Variants in PMM2 observed in about 807,000 individuals in gnomAD.
PMM2 encodes the protein phosphomannomutase 2.
In PMM2, 35 loss-of-function variants were observed where a neutral mutation model predicts 33.2. The ratio of observed to expected loss-of-function variants is 1.06; its 90% CI spans 0.81 to 1.40. The LOEUF (loss-of-function observed/expected upper bound fraction) is 1.40, where lower values mean the gene tolerates loss of function less well. Ranked by LOEUF, PMM2 falls within the 40% of genes most tolerant of loss-of-function variation. The pLI, the probability that PMM2 is intolerant of heterozygous loss-of-function variation, is 0.00. For synonymous variants in PMM2, 153 were observed against 114.7 expected, an observed-to-expected ratio of 1.33 and a Z score of -2.13; for missense variants, 386 against 306.0, an observed-to-expected ratio of 1.26 and a Z score of -1.95.
intron 3 of PMM2, among the ~76,000 whole-genome samples, chr16:8,805,883 C>G (rs1020496287): frequency 2.0e-5 from 3 of 152,184 alleles, no homozygotes; most frequent in Admixed American, 6.5e-5. Flanking sequence ...AGCTGCCACG[C>G]CTGGGCACTA....
intron 7 of PMM2, among the ~76,000 whole-genome samples, chr16:8,838,746 C>A (rs559247036): frequency 6.6e-6 from 1 of 151,960 alleles, no homozygotes; most frequent in Non-Finnish European, 1.5e-5. Context: ...ATTGGGAGGA[C>A]CTAGGACATC....
intron 7 of PMM2, among the ~76,000 whole-genome samples, chr16:8,845,393 A>T (rs2060918602): frequency 6.6e-6 from 1 of 152,138 alleles, no homozygotes; most frequent in Non-Finnish European, 1.5e-5. Flanking sequence ...ACTTCAGGCC[A>T]TCTGGATGTA....
At chr16:8,802,203 C>T in intron 2 of PMM2, 4 of 467,248 alleles carry the variant, frequency 8.6e-6, no homozygotes, top group South Asian at 6.2e-5. Flanking sequence ...CTTGCTTGTA[C>T]CCGTTGACAG....
intron 7 of PMM2, among the ~76,000 whole-genome samples, chr16:8,835,112 G>A (rs541599679): frequency 1.2e-3 from 185 of 148,206 alleles, no homozygotes; most frequent in African/African-American, 4.3e-3. Flanking sequence ...AGCGGCAGCC[G>A]CTGCACGCAG....
chr16:8,843,846 G>A (rs1439436804), intron 7 of PMM2, among the ~76,000 whole-genome samples: 1 of 151,560 alleles, frequency 6.6e-6, no homozygotes, highest in African/African-American at 2.4e-5. Context: ...AGGAAGAATT[G>A]GAACCTAGCT....
intron 7 of PMM2, chr16:8,832,677 C>T: frequency 1.0e-6 from 1 of 985,438 alleles, no homozygotes; most frequent in Non-Finnish European, 1.2e-6. Flanking sequence ...CACCCCGCAC[C>T]CGTTCTCCAG....
intron 7 of PMM2, among the ~76,000 whole-genome samples, chr16:8,837,646 A>G (rs1273051042): frequency 6.6e-6 from 1 of 151,798 alleles, no homozygotes; most frequent in Admixed American, 6.6e-5. Context: ...GCAGAGATAC[A>G]TGGGGTTGGG....
At chr16:8,801,937 T>G (rs753486000) in intron 2 of PMM2, 27 bp downstream of exon 2, 2 of 1,413,186 alleles carry the variant, frequency 1.4e-6, no homozygotes, top group Non-Finnish European at 2.0e-6. Context: ...TAATTACATC[T>G]GGTAAAAGAT....
At chr16:8,827,037 G>C (rs1466978156) in intron 7 of PMM2, among the ~76,000 whole-genome samples, 4 of 151,978 alleles carry the variant, frequency 2.6e-5, no homozygotes, top group Non-Finnish European at 5.9e-5. Flanking sequence ...CCCTACTAAA[G>C]TAATTCCTGA....
chr16:8,827,986 A>G (rs1470044124), intron 7 of PMM2, among the ~76,000 whole-genome samples: 2 of 124,768 alleles, frequency 1.6e-5, no homozygotes, highest in Non-Finnish European at 3.2e-5. Context: ...TAAAACTTGG[A>G]TATCCATTTT....
chr16:8,838,055 T>C (rs2060863262), intron 7 of PMM2, among the ~76,000 whole-genome samples: 1 of 152,092 alleles, frequency 6.6e-6, no homozygotes, highest in Non-Finnish European at 1.5e-5. Flanking sequence ...GCAGGCGGGC[T>C]GAGTCCGAAA....
At chr16:8,822,418 T>C (rs575513075) in intron 7 of PMM2, among the ~76,000 whole-genome samples, 33 of 152,266 alleles carry the variant, frequency 2.2e-4, no homozygotes, top group African/African-American at 7.7e-4. Flanking sequence ...GGCAGACTGG[T>C]CCCCAGGCAA....
intron 1 of PMM2, 123 bp downstream of exon 1, chr16:8,798,071 G>C (rs1051969869): frequency 1.1e-6 from 1 of 904,142 alleles, no homozygotes; most frequent in Non-Finnish European, 1.8e-6. Flanking sequence ...TCCTCACGGC[G>C]CTGAACCCTA....
chr16:8,815,218 C>CTTTT (rs59339190), intron 7 of PMM2, among the ~76,000 whole-genome samples: 10 of 138,508 alleles, frequency 7.2e-5, no homozygotes, highest in Admixed American at 1.5e-4. Context: ...TATTTTCTTT[C>CTTTT]TTTTTTTTTT....
intron 7 of PMM2, among the ~76,000 whole-genome samples, chr16:8,821,040 A>C (rs915346039): frequency 1.6e-4 from 25 of 152,132 alleles, no homozygotes; most frequent in African/African-American, 4.6e-4. Context: ...TAGCTCTTTC[A>C]GGACTCAAGG....
At chr16:8,824,257 C>T (rs1328104177) in intron 7 of PMM2, among the ~76,000 whole-genome samples, 4 of 152,150 alleles carry the variant, frequency 2.6e-5, no homozygotes, top group Admixed American at 6.6e-5. Flanking sequence ...ATTCCAATGG[C>T]ACAATTTGTA....
In PMM2 at chr16:8,848,359, G is replaced by A. The variant is rs2447929; in HGVS notation, c.*534G>A. The A allele has an allele frequency of 0.014, 2,544 of 187,646 alleles. 70 individuals carry two copies. The highest frequency in any genetic ancestry group is 0.056 in the African/African-American group (2,365 of 42,536). 11.6% of individuals were successfully genotyped at this position (187,646 alleles called of 1,614,324 possible). On this transcript the variant is annotated 3_prime_UTR_variant, in exon 8 of 8. Transcript: ENST00000268261. ...CCGCCTGCATGTCACCTTGATGGGG[G>A]CTGTGAGTGGGGCAGTGTGATACCC...
intron 2 of PMM2, among the ~76,000 whole-genome samples, chr16:8,804,330 C>T (rs987158488): frequency 6.6e-6 from 1 of 152,146 alleles, no homozygotes; most frequent in Non-Finnish European, 1.5e-5. Flanking sequence ...GTGTGAGCCA[C>T]ACCGCACCCG....
intron 3 of PMM2, among the ~76,000 whole-genome samples, 182 bp downstream of exon 3, chr16:8,805,025 A>G (rs2060639157): frequency 6.6e-6 from 1 of 152,184 alleles, no homozygotes. Flanking sequence ...CTAAATTTTT[A>G]TACTTTTTAA....
Sources: gnomAD v4.1 joint callset for allele counts (sites outside exome capture counted in the v4.1 genomes callset) on GRCh38, gnomAD v4.1.1 for gene constraint, MANE v1.5 for transcripts, NCBI Gene and HGNC (gene_info 2026-07-23, HGNC 2026-07-21) for gene names.